The following GAPVD1 variants were observed in gnomAD, a reference collection of about 807,000 sequenced individuals.
GAPVD1 encodes GTPase-activating protein and VPS9 domain-containing protein 1.
A neutral mutation model predicts 155.5 loss-of-function variants in GAPVD1; 35 were observed. The observed-to-expected ratio is 0.23, with a 90% CI of 0.17 to 0.30. The LOEUF (loss-of-function observed/expected upper bound fraction) is 0.30, where lower values mean the gene tolerates loss of function less well. Among genes scored for constraint, GAPVD1 ranks in the 10% least tolerant of loss-of-function variants. The pLI, the probability that GAPVD1 is intolerant of heterozygous loss-of-function variation, is 1.00. For missense variants in GAPVD1, 1,429 were observed against 1,775.7 expected (o/e 0.80, Z 3.51); for synonymous variants, 636 against 619.7 (o/e 1.03, Z -0.39).
intron 25 of GAPVD1, among the ~76,000 whole-genome samples, chr9:125,357,986 AACACACAC>A (rs200675642): frequency 2.7e-5 from 4 of 150,462 alleles, no homozygotes; most frequent in Non-Finnish European, 5.9e-5. Flanking sequence ...AAAAAAAAAA[AACACACAC>A]ACACACACAC....
chr9:125,272,078 CA>C (rs1167541837), intron 2 of GAPVD1, among the ~76,000 whole-genome samples: 1 of 152,026 alleles, frequency 6.6e-6, no homozygotes, highest in Non-Finnish European at 1.5e-5. Context: ...GGCTGAAGTG[CA>C]GTGGCATGAT....
intron 12 of GAPVD1, among the ~76,000 whole-genome samples, chr9:125,328,947 C>T (rs1845651449): frequency 6.6e-6 from 1 of 152,218 alleles, no homozygotes; most frequent in Non-Finnish European, 1.5e-5. Context: ...GCCCGGCCAA[C>T]ACAGTGAAAC....
chr9:125,331,308 C>G (rs141869455), intron 13 of GAPVD1, among the ~76,000 whole-genome samples: 99 of 151,886 alleles, frequency 6.5e-4, no homozygotes, highest in African/African-American at 2.1e-3. Context: ...TCAAGTGATT[C>G]TTTTGCCTCA....
chr9:125,311,602 CAA>C (rs1842699423), intron 8 of GAPVD1, among the ~76,000 whole-genome samples: 1 of 152,160 alleles, frequency 6.6e-6, no homozygotes, highest in Non-Finnish European at 1.5e-5. Flanking sequence ...GCCTGGGCAA[CAA>C]GAGTGAAACT....
At chr9:125,350,010 G>A (rs1326256655) in intron 21 of GAPVD1, among the ~76,000 whole-genome samples, 4 of 152,114 alleles carry the variant, frequency 2.6e-5, no homozygotes, top group South Asian at 2.1e-4. Flanking sequence ...ATGCTTTTCC[G>A]ATTCTTATAG....
At chr9:125,354,460 C>G (rs1849766799) in intron 23 of GAPVD1, among the ~76,000 whole-genome samples, 194 bp from the exon 24 acceptor site, 1 of 152,156 alleles carries the variant, frequency 6.6e-6, no homozygotes, top group African/African-American at 2.4e-5. Flanking sequence ...GCAGCTGGCA[C>G]CATGATCAGT....
chr9:125,324,014 C>A, intron 11 of GAPVD1, 91 bp downstream of exon 11: 1 of 1,074,576 alleles, frequency 9.3e-7, no homozygotes, highest in Non-Finnish European at 1.4e-6. Flanking sequence ...TGGCTTGGTT[C>A]AGTAAGAGAT....
intron 9 of GAPVD1, among the ~76,000 whole-genome samples, chr9:125,319,020 A>G (rs1265290510): frequency 6.6e-6 from 1 of 151,912 alleles, no homozygotes; most frequent in Non-Finnish European, 1.5e-5. Context: ...TACTAAAAAT[A>G]CAAAAATTAG....
chr9:125,328,862 G>A lies in GAPVD1; in HGVS notation c.2033-1216G>A, dbSNP rs542661095. On this transcript the variant is annotated intron_variant, in intron 12 of 27. Coordinates refer to ENST00000297933, the MANE Select transcript of GAPVD1 (RefSeq NM_001282680.3). ...CCCCCCCACCTCCCTCCCGGACGGG[G>A]CGGCTGGCCGGGCAGGGGGGCTCAC... 2.2e-4 allele frequency among the ~76,000 whole-genome samples: 33 copies of A among 152,306 alleles called. 1 individual carries two copies. Among genetic ancestry groups the A allele is most frequent in the South Asian group, 2.1e-3 (10 of 4,828 alleles).
intron 19 of GAPVD1, chr9:125,345,966 ATG>A (rs926970256): frequency 1.3e-5 from 2 of 152,328 alleles, no homozygotes; most frequent in African/African-American, 2.4e-5. Context: ...GTGAACATTT[ATG>A]GTCACCTGCC....
At chr9:125,345,360 T>C (rs1848378498) in intron 19 of GAPVD1, among the ~76,000 whole-genome samples, 1 of 152,132 alleles carries the variant, frequency 6.6e-6, no homozygotes, top group South Asian at 2.1e-4. Flanking sequence ...TTTGTATTTT[T>C]AGTAGAGTTG....
At chr9:125,298,206 A>G (rs1840177492) in intron 3 of GAPVD1, among the ~76,000 whole-genome samples, 1 of 152,194 alleles carries the variant, frequency 6.6e-6, no homozygotes. Flanking sequence ...GATTTTAAAT[A>G]TATTTTGAAG....
At chr9:125,328,982 G>A (rs1420704672) in intron 12 of GAPVD1, among the ~76,000 whole-genome samples, 1 of 151,910 alleles carries the variant, frequency 6.6e-6, no homozygotes, top group Non-Finnish European at 1.5e-5. Flanking sequence ...AACCAGTCAG[G>A]CGTGGCGGCG....
At chr9:125,303,047 C>T (rs1045824788) in intron 5 of GAPVD1, among the ~76,000 whole-genome samples, 1 of 152,060 alleles carries the variant, frequency 6.6e-6, no homozygotes, top group Admixed American at 6.5e-5. Context: ...TTTTTTGAGA[C>T]AGGGTCTCAC....
At chr9:125,290,615 G>T (rs1296367418) in intron 2 of GAPVD1, among the ~76,000 whole-genome samples, 1 of 152,192 alleles carries the variant, frequency 6.6e-6, no homozygotes, top group Non-Finnish European at 1.5e-5. Flanking sequence ...ATATGAATTA[G>T]CTGCCTTGGA....
chr9:125,332,382 A>G, intron 14 of GAPVD1, 128 bp from the exon 15 acceptor site: 2 of 704,020 alleles, frequency 2.8e-6, no homozygotes, highest in Non-Finnish European at 4.8e-6. Context: ...AGGATATAAT[A>G]CTAAACTCAC....
At chr9:125,292,737 G>A (rs1838817765) in intron 2 of GAPVD1, among the ~76,000 whole-genome samples, 1 of 152,128 alleles carries the variant, frequency 6.6e-6, no homozygotes, top group South Asian at 2.1e-4. Flanking sequence ...CTGAGGGAAT[G>A]GAGAGGAGAA....
At chr9:125,347,562 C>T (rs907850859) in intron 20 of GAPVD1, among the ~76,000 whole-genome samples, 6 of 151,960 alleles carry the variant, frequency 3.9e-5, no homozygotes, top group Admixed American at 6.6e-5. Flanking sequence ...CCCATCTCTA[C>T]CAAAGATACA....
chr9:125,349,312 T>G, intron 20 of GAPVD1, 78 bp from the exon 21 acceptor site: 1 of 1,197,462 alleles, frequency 8.4e-7, no homozygotes, highest in Non-Finnish European at 1.2e-6. Context: ...TATTCTTGAG[T>G]TGCTCTGAAT....
Sources: gnomAD v4.1 joint callset for allele counts (sites outside exome capture counted in the v4.1 genomes callset) on GRCh38, gnomAD v4.1.1 for gene constraint, MANE v1.5 for transcripts, NCBI Gene and HGNC (gene_info 2026-07-23, HGNC 2026-07-21) for gene names.